GTF3C5: variants seen among roughly 807,000 people sequenced by gnomAD.
GTF3C5 encodes general transcription factor 3C polypeptide 5.
Under a neutral mutation model 61.0 loss-of-function variants are expected in GTF3C5, and 47 were observed. The ratio of observed to expected loss-of-function variants is 0.77; its 90% CI spans 0.61 to 0.98. The LOEUF (loss-of-function observed/expected upper bound fraction) is 0.98. GTF3C5 is among the 50% of genes least tolerant of loss of function. The probability of loss-of-function intolerance (pLI) is 0.00; values close to 1 mark genes in which losing one functional copy is unlikely to be tolerated. For synonymous variants in GTF3C5, 295 were observed against 275.4 expected, an observed-to-expected ratio of 1.07 and a Z score of -0.71; for missense variants, 659 against 703.3, an observed-to-expected ratio of 0.94 and a Z score of 0.71.
intron 1 of GTF3C5, 63 bp downstream of exon 1, chr9:133,031,227 C>CA (rs1248456588): frequency 1.4e-6 from 2 of 1,415,578 alleles, no homozygotes; most frequent in East Asian, 5.0e-5. Flanking sequence ...AACGAGCACT[C>CA]AAAGGATTTC....
In GTF3C5 at chr9:133,031,134, G is replaced by C. The variant is rs1320833198; in HGVS notation, c.123G>C (p.Pro41=). ...GVVRDVAKML[P]TLGGEEGVSR... is the part of the protein sequence containing the mutation. The stretch of plus-strand genomic sequence containing the variant: ...TGCGTGATGTGGCTAAGATGCTGCC[G>C]ACTCTGGGCGGCGAGGAAGGCGTCT... The change falls in exon 1 of 11, where the codon CCG becomes CCC. Residue 41 remains proline (P), a synonymous_variant. Transcript: ENST00000372097. 1 of 1,592,684 alleles carries C rather than the reference G, an allele frequency of 6.3e-7. No individual in the cohort carries two copies. Among genetic ancestry groups the C allele is most frequent in the African/African-American group, 1.3e-5 (1 of 74,420 alleles).
rs1051109097 is a variant in GTF3C5 at position 133,043,779 on chromosome 9, A to G, written c.425A>G (p.His142Arg). 50 of 1,614,218 alleles carry G rather than the reference A, an allele frequency of 3.1e-5. No individual in the cohort carries two copies. The highest frequency in any genetic ancestry group is 3.6e-5 in the Non-Finnish European group (43 of 1,180,032). ...GTGCATACGGAAGCAGGCGGCAAGC[A>G]TACGTCAATGTATGACAAGGTGCTC... is the stretch of plus-strand genomic sequence containing the variant. ...LAVHTEAGGK[H>R]TSMYDKVLML... Residue 142 changes from histidine to arginine, a missense_variant, in exon 3 of 11, where the codon CAT becomes CGT. Physicochemically the swap from His to Arg is conservative, Grantham distance 29. Transcript: ENST00000372097.
At position 133,033,082 on chromosome 9, in the gene GTF3C5, T is replaced by G. The variant is rs547737324; in HGVS notation, c.153+1918T>G. ...AGCATTCCTAGTATAATTAACAAAT[T>G]GTTGCTGGTTGTAATAGATGTAACT... On this transcript the variant is annotated intron_variant, in intron 1 of 10. Transcript: ENST00000372097. 3.3e-5 allele frequency among the ~76,000 whole-genome samples: 5 copies of G among 152,308 alleles called. 1 individual carries two copies. The highest frequency in any genetic ancestry group is 1.2e-4 in the African/African-American group (5 of 41,534).
chr9:133,050,697 G>A, intron 3 of GTF3C5, 86 bp from the exon 4 acceptor site: 1 of 971,212 alleles, frequency 1.0e-6, no homozygotes. Flanking sequence ...GCCTTGGGGG[G>A]TTCTGGGCTC....
In GTF3C5 at chr9:133,033,715, G is replaced by C. The variant is rs144045234; in HGVS notation, c.153+2551G>C. 8.9e-3 allele frequency among the ~76,000 whole-genome samples: 1,353 copies of C among 152,280 alleles called. 30 individuals carry two copies. The highest frequency in any genetic ancestry group is 0.031 in the African/African-American group (1,302 of 41,528). On this transcript the variant is annotated intron_variant, in intron 1 of 10. Coordinates refer to ENST00000372097, the MANE Select transcript of GTF3C5 (RefSeq NM_012087.4). ...GTCTGGAGGACCATCCAAGTGGAAA[G>C]GGGACAGTCTGGGCTTCTGGTCTAC... is the stretch of plus-strand genomic sequence containing the variant.
intron 8 of GTF3C5, chr9:133,055,764 G>C (rs940656652): frequency 1.1e-5 from 15 of 1,340,540 alleles, no homozygotes; most frequent in Admixed American, 3.2e-5. Flanking sequence ...CTGCACGGGC[G>C]GGCTCACCGT....
intron 1 of GTF3C5, among the ~76,000 whole-genome samples, chr9:133,035,956 T>C (rs2118974429): frequency 6.6e-6 from 1 of 152,338 alleles, no homozygotes. Context: ...TCAGAATAAA[T>C]AGTTCCTTCT....
In GTF3C5 at chr9:133,056,819, G is replaced by T; in HGVS notation, c.1304G>T (p.Arg435Leu). 1 of 1,612,168 alleles carries T rather than the reference G, an allele frequency of 6.2e-7. No individual in the cohort carries two copies. Among genetic ancestry groups the T allele is most frequent in the Non-Finnish European group, 8.5e-7 (1 of 1,179,186 alleles). Residue 435 changes from arginine to leucine, a missense_variant, in exon 10 of 11, where the codon CGG (arginine) becomes CTG (leucine). Coordinates refer to ENST00000372097, the MANE Select transcript of GTF3C5 (RefSeq NM_012087.4). ...NDGAENSCTE[R>L]DGWCLPKTSD... is the part of the protein sequence containing the mutation. ...GGGGCAGAGAATTCCTGCACAGAAC[G>T]GGATGGGTGGTGCCTCCCCAAGACC...
intron 8 of GTF3C5, chr9:133,055,215 G>A (rs371667310): frequency 1.6e-5 from 25 of 1,516,336 alleles, no homozygotes; most frequent in African/African-American, 1.5e-4. Flanking sequence ...ACTGGCTCAC[G>A]TTTCCGTCAG....
intron 3 of GTF3C5, among the ~76,000 whole-genome samples, chr9:133,050,375 G>C (rs779788547): frequency 1.1e-4 from 17 of 152,256 alleles, no homozygotes; most frequent in Non-Finnish European, 1.9e-4. Flanking sequence ...CAGCTGTGCT[G>C]GGTGATTTCA....
intron 4 of GTF3C5, 173 bp from the exon 5 acceptor site, chr9:133,051,887 G>T: frequency 2.1e-6 from 1 of 466,716 alleles, no homozygotes; most frequent in Admixed American, 4.2e-5. Context: ...CTGAGGGAAG[G>T]GATGAATTAG....
intron 3 of GTF3C5, among the ~76,000 whole-genome samples, chr9:133,049,507 A>T (rs564972348): frequency 1.3e-5 from 2 of 152,196 alleles, no homozygotes; most frequent in Admixed American, 6.5e-5. Context: ...AAAGGTAATG[A>T]TCACCCGAGT....
Position 133,044,194 on chromosome 9 carries a change from C to T in GTF3C5, c.572+268C>T, listed in dbSNP as rs1850134464. ...AGAAAATGGGATGACAGTAGTACTACCCAACAGACGTATTGGGATTGAATT... is the reference window on the plus strand; with the variant it reads ...AGAAAATGGGATGACAGTAGTACTATCCAACAGACGTATTGGGATTGAATT... On this transcript the variant is annotated intron_variant, in intron 3 of 10. Coordinates refer to ENST00000372097, the MANE Select transcript of GTF3C5 (RefSeq NM_012087.4). 6.1e-6 allele frequency: 3 copies of T among 489,400 alleles called. No homozygotes were observed. In the South Asian group the frequency reaches 7.3e-5, roughly 12 times the overall value. The allele number at this position is 489,400 out of a possible 1,614,324, so 30.3% of individuals were successfully genotyped here.
intron 7 of GTF3C5, 27 bp from the exon 8 acceptor site, chr9:133,054,685 C>G (rs1829875338): frequency 2.6e-6 from 4 of 1,544,666 alleles, no homozygotes; most frequent in Non-Finnish European, 3.5e-6. Flanking sequence ...CCTGCACATT[C>G]CAAGCACTGC....
chr9:133,046,937 A>C (rs542563289), intron 3 of GTF3C5, among the ~76,000 whole-genome samples: 1 of 152,134 alleles, frequency 6.6e-6, no homozygotes, highest in Non-Finnish European at 1.5e-5. Flanking sequence ...ACCAGTGCCT[A>C]GGCTTCATCC....
chr9:133,055,698 G>A, intron 8 of GTF3C5: 1 of 985,464 alleles, frequency 1.0e-6, no homozygotes, highest in Non-Finnish European at 1.2e-6. Flanking sequence ...AGGGCACAGA[G>A]AGCAGAGCCC....
intron 10 of GTF3C5, 101 bp downstream of exon 10, chr9:133,057,009 G>A (rs551874709): frequency 8.3e-7 from 1 of 1,209,504 alleles, no homozygotes; most frequent in Non-Finnish European, 1.1e-6. Context: ...TGGCACCCAG[G>A]TGGCATCATC....
chr9:133,054,943 G>T (rs1484420700), intron 8 of GTF3C5, 134 bp downstream of exon 8: 2 of 1,550,736 alleles, frequency 1.3e-6, no homozygotes, highest in South Asian at 2.4e-5. Context: ...CTTCCTTTTA[G>T]GTCAGCCTTC....
intron 5 of GTF3C5, 31 bp from the exon 6 acceptor site, chr9:133,053,796 CA>C: frequency 7.0e-7 from 1 of 1,428,036 alleles, no homozygotes; most frequent in Non-Finnish European, 9.8e-7. Context: ...GCCTTCACCT[CA>C]CCTCACATTT....
Sources: gnomAD v4.1 joint callset for allele counts (sites outside exome capture counted in the v4.1 genomes callset) on GRCh38, gnomAD v4.1.1 for gene constraint, MANE v1.5 for transcripts, NCBI Gene and HGNC (gene_info 2026-07-23, HGNC 2026-07-21) for gene names.